The following CENPW variants were observed in gnomAD, a reference collection of about 807,000 sequenced individuals.
CENPW encodes the protein centromere protein W.
In CENPW, 3 loss-of-function variants were observed where a neutral mutation model predicts 11.1. That is an observed-to-expected ratio of 0.27 (90% CI 0.12 to 0.70). The LOEUF (loss-of-function observed/expected upper bound fraction) is 0.70, where lower values mean the gene tolerates loss of function less well. Among genes scored for constraint, CENPW ranks in the 30% least tolerant of loss-of-function variants. The pLI is 0.77. For missense variants in CENPW, 100 were observed against 105.6 expected (o/e 0.95, Z 0.23); for synonymous variants, 38 against 42.0 (o/e 0.91, Z 0.37).
the CENPW span, among the ~76,000 whole-genome samples, chr6:126,442,892 T>C: frequency 3.3e-5 from 5 of 151,372 alleles, no homozygotes; most frequent in Admixed American, 2.6e-4. Flanking sequence ...AGACCTCGTT[T>C]GACATACTTT....
chr6:126,470,679 G>A, the CENPW span, among the ~76,000 whole-genome samples: 8 of 152,212 alleles, frequency 5.3e-5, no homozygotes, highest in Admixed American at 6.5e-5. Context: ...AAGCAGCCAC[G>A]GGGGCTGTGC....
chr6:126,398,321 T>C, the CENPW span, among the ~76,000 whole-genome samples: 1 of 152,326 alleles, frequency 6.6e-6, no homozygotes, highest in South Asian at 2.1e-4. Context: ...GCATCATGCC[T>C]AGTGCTTTGT....
At chr6:126,419,991 T>C in the CENPW span, among the ~76,000 whole-genome samples, 8 of 152,316 alleles carry the variant, frequency 5.3e-5, no homozygotes, top group East Asian at 1.5e-3. Context: ...TATGAACATC[T>C]TTGGAGGACC....
At chr6:126,450,671 C>T in the CENPW span, among the ~76,000 whole-genome samples, 1 of 150,788 alleles carries the variant, frequency 6.6e-6, no homozygotes, top group Admixed American at 6.6e-5. Context: ...GCTATTTTTC[C>T]TGTAAAGGCA....
rs146477102 is a variant in CENPW, at chr6:126,346,269, C to T, written c.191C>T (p.Ala64Val). The T allele has an allele frequency of 4.5e-3, 7,231 of 1,608,208 alleles. 25 individuals carry two copies. The highest frequency in any genetic ancestry group is 5.3e-3 in the Non-Finnish European group (6,234 of 1,175,540). Reference protein sequence around the residue: ...LAEESRTNACASKCRVINKEH... With the variant: ...LAEESRTNACVSKCRVINKEH... ...GAAGAGTCCAGGACAAACGCTTGTG[C>T]GAGTAAATGTAGAGTCATTAACAAG... Residue 64 changes from alanine (A) to valine (V), a missense_variant, in exon 2 of 3, where the codon GCG (alanine) becomes GTG (valine). Transcript: ENST00000368328.
At chr6:126,380,646 G>A in the CENPW span, among the ~76,000 whole-genome samples, 3 of 152,112 alleles carry the variant, frequency 2.0e-5, no homozygotes, top group African/African-American at 7.2e-5. Flanking sequence ...ATAATGCATA[G>A]TAGACAAAAT....
At chr6:126,376,315 G>A in the CENPW span, among the ~76,000 whole-genome samples, 1 of 152,124 alleles carries the variant, frequency 6.6e-6, no homozygotes, top group Non-Finnish European at 1.5e-5. Flanking sequence ...CCAGGTTATT[G>A]CTTGGGACCA....
chr6:126,346,753 G>A (rs953812412), intron 2 of CENPW, among the ~76,000 whole-genome samples: 3 of 152,008 alleles, frequency 2.0e-5, no homozygotes, highest in Admixed American at 6.6e-5. Context: ...GGGGAAAACC[G>A]CCCCCCATGA....
the CENPW span, among the ~76,000 whole-genome samples, chr6:126,393,553 A>G: frequency 6.6e-6 from 1 of 151,380 alleles, no homozygotes; most frequent in South Asian, 2.1e-4. Flanking sequence ...CGTTTTCAGG[A>G]GCATATTGTT....
At chr6:126,455,326 T>G in the CENPW span, among the ~76,000 whole-genome samples, 1 of 151,386 alleles carries the variant, frequency 6.6e-6, no homozygotes, top group Non-Finnish European at 1.5e-5. Flanking sequence ...ACTAGCAAAC[T>G]GAATCCAGCA....
the CENPW span, among the ~76,000 whole-genome samples, chr6:126,410,703 CCT>C: frequency 6.6e-6 from 1 of 151,360 alleles, no homozygotes; most frequent in Admixed American, 6.6e-5. Flanking sequence ...CATTTTTTTC[CCT>C]GTGAGTAATT....
At chr6:126,434,691 ATCT>A in the CENPW span, among the ~76,000 whole-genome samples, 1 of 152,072 alleles carries the variant, frequency 6.6e-6, no homozygotes, top group African/African-American at 2.4e-5. Flanking sequence ...AGAGCTTCAC[ATCT>A]TCTAGTAAAA....
the CENPW span, among the ~76,000 whole-genome samples, chr6:126,480,935 T>A: frequency 1 from 152,053 of 152,064 alleles, 76,021 homozygotes; most frequent in Middle Eastern, 1. Context: ...ATATTCTAAA[T>A]TTTTTTACCC....
chr6:126,410,575 A>G, the CENPW span, among the ~76,000 whole-genome samples: 2 of 151,726 alleles, frequency 1.3e-5, no homozygotes, highest in Admixed American at 1.3e-4. Flanking sequence ...CAATTATTTT[A>G]CAATATAGAT....
intron 2 of CENPW, among the ~76,000 whole-genome samples, chr6:126,346,679 A>C (rs1461096368): frequency 6.6e-6 from 1 of 152,130 alleles, no homozygotes; most frequent in Non-Finnish European, 1.5e-5. Context: ...TGCTATAAAG[A>C]AATACCCAAG....
the CENPW span, among the ~76,000 whole-genome samples, chr6:126,368,923 T>G: frequency 3.4e-4 from 51 of 152,198 alleles, no homozygotes; most frequent in African/African-American, 1.2e-3. Flanking sequence ...ATGTGTAGTC[T>G]TTTATCCCTC....
the CENPW span, among the ~76,000 whole-genome samples, chr6:126,354,074 C>A: frequency 6.8e-6 from 1 of 146,778 alleles, no homozygotes; most frequent in African/African-American, 2.5e-5. Flanking sequence ...GTTTTTTTTT[C>A]TTGGCTTTTG....
chr6:126,475,915 TA>T, the CENPW span, among the ~76,000 whole-genome samples: 2 of 152,032 alleles, frequency 1.3e-5, no homozygotes, highest in African/African-American at 4.8e-5. Context: ...GAGTTGCCAC[TA>T]ACGCCCTAAT....
intron 2 of CENPW, 91 bp downstream of exon 2, chr6:126,346,409 A>G (rs1780412611): frequency 1.6e-6 from 1 of 610,666 alleles, no homozygotes; most frequent in Non-Finnish European, 2.8e-6. Flanking sequence ...TACCTTACTC[A>G]GCTTTGTTGA....
Sources: allele counts gnomAD v4.1 joint callset (sites outside exome capture counted in the v4.1 genomes callset), GRCh38; gene constraint gnomAD v4.1.1; transcripts MANE v1.5; gene names NCBI Gene and HGNC (gene_info 2026-07-23, HGNC 2026-07-21).